The following LRRC49 variants were observed in gnomAD, a reference collection of about 807,000 sequenced individuals.
The protein encoded by LRRC49 is leucine rich repeat containing 49, also known as leucine-rich repeat-containing protein 49.
Under a neutral mutation model 83.3 loss-of-function variants are expected in LRRC49, and 50 were observed. The ratio of observed to expected loss-of-function variants is 0.60; its 90% CI spans 0.48 to 0.76. The LOEUF (loss-of-function observed/expected upper bound fraction) is 0.76, where lower values mean the gene tolerates loss of function less well. Ranked by LOEUF, LRRC49 falls within the 30% of genes least tolerant of loss-of-function variation. The pLI, the probability that LRRC49 is intolerant of heterozygous loss-of-function variation, is 0.00. For missense variants in LRRC49, 704 were observed against 809.1 expected (o/e 0.87, Z 1.58); for synonymous variants, 286 against 283.3 (o/e 1.01, Z -0.10).
chr15:71,020,027 A>G (rs1181653874), intron 14 of LRRC49, among the ~76,000 whole-genome samples: 2 of 152,228 alleles, frequency 1.3e-5, no homozygotes, highest in Non-Finnish European at 2.9e-5. Flanking sequence ...ATTATCATGC[A>G]TAGACTATAA....
At chr15:71,026,567 CAG>C (rs769453615) in intron 14 of LRRC49, among the ~76,000 whole-genome samples, 70 of 152,206 alleles carry the variant, frequency 4.6e-4, no homozygotes, top group Non-Finnish European at 9.0e-4. Context: ...GCCTGGGTGA[CAG>C]AGCAAGACCC....
At chr15:70,964,977 T>C (rs779332448) in intron 9 of LRRC49, among the ~76,000 whole-genome samples, 1 of 152,164 alleles carries the variant, frequency 6.6e-6, no homozygotes, top group African/African-American at 2.4e-5. Flanking sequence ...TGTGGATGAA[T>C]TGATGGATAC....
intron 8 of LRRC49, among the ~76,000 whole-genome samples, chr15:70,948,904 A>G (rs911681075): frequency 2.6e-5 from 4 of 152,318 alleles, no homozygotes; most frequent in Admixed American, 1.3e-4. Context: ...TATCATATAC[A>G]TGATTCTTTG....
chr15:70,864,726 A>G (rs2032873980), intron 1 of LRRC49, among the ~76,000 whole-genome samples: 1 of 152,198 alleles, frequency 6.6e-6, no homozygotes, highest in African/African-American at 2.4e-5. Context: ...TGTACGGGAC[A>G]TTCAATGCTG....
intron 1 of LRRC49, among the ~76,000 whole-genome samples, chr15:70,856,860 T>C (rs1358946416): frequency 6.6e-6 from 1 of 152,220 alleles, no homozygotes; most frequent in Non-Finnish European, 1.5e-5. Context: ...ACCCATCATT[T>C]GTGTCACTGG....
chr15:70,939,445 G>A (rs2141162144), intron 8 of LRRC49, among the ~76,000 whole-genome samples: 1 of 152,276 alleles, frequency 6.6e-6, no homozygotes, highest in African/African-American at 2.4e-5. Flanking sequence ...GTGTGGACCT[G>A]TGAGGTTTAA....
At chr15:71,013,037 T>A in intron 14 of LRRC49, 124 bp downstream of exon 14, 1 of 618,610 alleles carries the variant, frequency 1.6e-6, no homozygotes, top group East Asian at 2.8e-5. Flanking sequence ...GACTGGCCTA[T>A]TGAAAGTGTT....
At chr15:71,013,811 A>T (rs2038737891) in intron 14 of LRRC49, among the ~76,000 whole-genome samples, 1 of 152,188 alleles carries the variant, frequency 6.6e-6, no homozygotes, top group African/African-American at 2.4e-5. Flanking sequence ...TATACCATAG[A>T]ACAAGCCCAC....
At chr15:70,907,947 A>T (rs1318808596) in intron 5 of LRRC49, 4 of 455,942 alleles carry the variant, frequency 8.8e-6, no homozygotes, top group African/African-American at 2.0e-5. Context: ...GGGGCCTTCT[A>T]GGTCAACTGA....
At chr15:70,984,023 T>C in intron 10 of LRRC49, 71 bp from the exon 11 acceptor site, 1 of 1,130,160 alleles carries the variant, frequency 8.8e-7, no homozygotes, top group Non-Finnish European at 1.3e-6. Flanking sequence ...ACAAACAATA[T>C]GCCCCTTAGA....
At chr15:70,997,790 A>G (rs1236581503) in intron 11 of LRRC49, among the ~76,000 whole-genome samples, 6 of 152,164 alleles carry the variant, frequency 3.9e-5, no homozygotes, top group Non-Finnish European at 7.4e-5. Flanking sequence ...CTGCCTTTTA[A>G]TTTGGGTAGT....
chr15:71,052,535 G>C lies in LRRC49; in HGVS notation c.*2923G>C, dbSNP rs543909365. ...CACTGAAGGCCTGGCATGTAAGACA[G>C]TGCAACCCTACCATGCTCCTGATCT... On this transcript the variant is annotated 3_prime_UTR_variant, in exon 16 of 16. Coordinates refer to ENST00000260382, the MANE Select transcript of LRRC49 (RefSeq NM_017691.5). 3 of 152,298 alleles carry C rather than the reference G, an allele frequency of 2.0e-5. No individual in the cohort carries two copies. The East Asian group carries it at 5.8e-4, about 29-fold the overall frequency. The allele number at this position is 152,298 out of a possible 1,614,324, so 9.4% of individuals were successfully genotyped here. A position where few individuals can be genotyped will look rare whatever the true frequency, so the allele number is the denominator to read the frequency against.
At chr15:70,856,625 G>A (rs73445570) in intron 1 of LRRC49, among the ~76,000 whole-genome samples, 4,824 of 152,256 alleles carry the variant, frequency 0.032, 273 homozygotes, top group African/African-American at 0.11. Context: ...ATAGTAGTTG[G>A]CTTAGAATAA....
At chr15:70,920,206 A>G (rs2034958831) in intron 7 of LRRC49, among the ~76,000 whole-genome samples, 1 of 152,206 alleles carries the variant, frequency 6.6e-6, no homozygotes, top group Admixed American at 6.5e-5. Flanking sequence ...TAAGTGTACT[A>G]TAAATGGTAC....
Position 70,873,153 on chromosome 15 carries a change from G to A in LRRC49, c.-53G>A, listed in dbSNP as rs991753449. On this transcript the variant is annotated 5_prime_UTR_variant, in exon 2 of 17. Coordinates refer to the LRRC49 transcript ENST00000544974. ...ACCCGCCTTGGCCTCCCAAAGTGTT[G>A]GGATTACAGGAGTGAGCCACCTCGC... 15 of 1,503,864 alleles carry A rather than the reference G, an allele frequency of 1.0e-5. No homozygotes were observed. The African/African-American group carries it at 1.8e-4, about 18-fold the overall frequency. 93.2% of individuals were successfully genotyped at this position (1,503,864 alleles called of 1,614,324 possible).
chr15:71,048,721 A>G (rs2039931382), intron 15 of LRRC49: 1 of 442,952 alleles, frequency 2.3e-6, no homozygotes, highest in Non-Finnish European at 4.5e-6. Flanking sequence ...GGGGCACAAT[A>G]TTCAAATATC....
chr15:70,919,616 A>G (rs2034931212), intron 7 of LRRC49, among the ~76,000 whole-genome samples: 2 of 152,200 alleles, frequency 1.3e-5, no homozygotes, highest in Admixed American at 1.3e-4. Context: ...CAGTTTTTAA[A>G]GAGGAGCTTG....
intron 2 of LRRC49, among the ~76,000 whole-genome samples, chr15:70,879,261 C>A (rs1461095151): frequency 1.3e-5 from 2 of 152,182 alleles, no homozygotes; most frequent in African/African-American, 4.8e-5. Context: ...ATTATGACTA[C>A]ATTTTCCTCT....
At chr15:70,854,072 C>A in intron 1 of LRRC49, 1 of 1,370,652 alleles carries the variant, frequency 7.3e-7, no homozygotes. Flanking sequence ...CCGAGCCTCC[C>A]CGCCGGACTG....
Sources: gnomAD v4.1 joint callset for allele counts (sites outside exome capture counted in the v4.1 genomes callset) on GRCh38, gnomAD v4.1.1 for gene constraint, MANE v1.5 for transcripts, NCBI Gene and HGNC (gene_info 2026-07-23, HGNC 2026-07-21) for gene names.